The following CPED1 variants were observed in gnomAD, a reference collection of about 807,000 sequenced individuals.
The protein encoded by CPED1 is cadherin like and PC-esterase domain containing 1, also known as cadherin-like and PC-esterase domain-containing protein 1.
In CPED1, 114 loss-of-function variants were observed where a neutral mutation model predicts 128.2. The ratio of observed to expected loss-of-function variants is 0.89; its 90% CI spans 0.76 to 1.04. CPED1 has a LOEUF of 1.04. Ranked by LOEUF, CPED1 falls within the 50% of genes least tolerant of loss-of-function variation. The pLI, the probability that CPED1 is intolerant of heterozygous loss-of-function variation, is 0.00. For missense variants in CPED1, 1,211 were observed against 1,207.1 expected (o/e 1.00, Z -0.05); for synonymous variants, 462 against 426.7 (o/e 1.08, Z -1.02).
At chr7:121,001,271 G>T (rs1373409671) in intron 2 of CPED1, among the ~76,000 whole-genome samples, 1 of 152,078 alleles carries the variant, frequency 6.6e-6, no homozygotes, top group African/African-American at 2.4e-5. Context: ...TGACTGCCAG[G>T]AGTCAGAATG....
At chr7:121,190,599 G>A (rs1043819356) in intron 16 of CPED1, among the ~76,000 whole-genome samples, 2 of 151,758 alleles carry the variant, frequency 1.3e-5, no homozygotes, top group Admixed American at 6.6e-5. Context: ...TTATTTTCAG[G>A]AACTAATTTC....
intron 2 of CPED1, 76 bp from the exon 3 acceptor site, chr7:121,015,589 T>C: frequency 1.5e-6 from 2 of 1,320,652 alleles, no homozygotes; most frequent in Non-Finnish European, 2.1e-6. Context: ...AAATAGCCCT[T>C]GATTTGCATT....
intron 16 of CPED1, among the ~76,000 whole-genome samples, chr7:121,156,821 T>C (rs888745402): frequency 6.6e-6 from 1 of 152,188 alleles, no homozygotes; most frequent in Non-Finnish European, 1.5e-5. Context: ...TAAAATGTGA[T>C]CTCTCATGGC....
chr7:121,057,753 C>T (rs1793538315), intron 4 of CPED1, among the ~76,000 whole-genome samples: 1 of 152,198 alleles, frequency 6.6e-6, no homozygotes, highest in South Asian at 2.1e-4. Context: ...ATTTATTTAG[C>T]TCTACTTTAG....
chr7:121,151,187 C>T (rs1434094073), intron 16 of CPED1, among the ~76,000 whole-genome samples: 1 of 152,034 alleles, frequency 6.6e-6, no homozygotes, highest in Non-Finnish European at 1.5e-5. Flanking sequence ...GCAGTGTGCC[C>T]CTTAGAATAT....
At chr7:121,126,247 A>G (rs1043036955) in intron 9 of CPED1, among the ~76,000 whole-genome samples, 1 of 152,168 alleles carries the variant, frequency 6.6e-6, no homozygotes, top group Non-Finnish European at 1.5e-5. Flanking sequence ...ATAAAAAGAT[A>G]ACTTTTATTT....
chr7:121,062,506 G>A (rs1793699428), intron 4 of CPED1, among the ~76,000 whole-genome samples: 1 of 152,076 alleles, frequency 6.6e-6, no homozygotes, highest in African/African-American at 2.4e-5. Context: ...TTAAATTCTG[G>A]ATTGAAGAAT....
chr7:121,026,871 C>A (rs994803503), intron 3 of CPED1, among the ~76,000 whole-genome samples: 3 of 127,690 alleles, frequency 2.3e-5, no homozygotes, highest in Non-Finnish European at 3.2e-5. Context: ...GGCTTTGTTG[C>A]CCAGGCTGGA....
chr7:121,256,395 C>T (rs1791877268), intron 18 of CPED1, among the ~76,000 whole-genome samples: 1 of 151,984 alleles, frequency 6.6e-6, no homozygotes, highest in South Asian at 2.1e-4. Context: ...AAGAATGAAA[C>T]CGGACCCTTA....
chr7:121,182,295 T>C (rs957706091), intron 16 of CPED1, among the ~76,000 whole-genome samples: 18 of 150,686 alleles, frequency 1.2e-4, no homozygotes, highest in Non-Finnish European at 2.7e-4. Context: ...TAGTAGACCA[T>C]GTTAAGGTAT....
chr7:121,088,652 G>T (rs963990353), intron 5 of CPED1, among the ~76,000 whole-genome samples: 2 of 125,884 alleles, frequency 1.6e-5, no homozygotes, highest in Admixed American at 7.8e-5. Context: ...GTGCGAGACT[G>T]CTTCTCAAAA....
At chr7:121,149,181 A>G (rs1034769052) in intron 16 of CPED1, among the ~76,000 whole-genome samples, 2 of 152,214 alleles carry the variant, frequency 1.3e-5, no homozygotes, top group South Asian at 4.1e-4. Context: ...CCAAGAGCCC[A>G]CAAAGCACCT....
At chr7:121,094,986 C>A (rs1343769518) in intron 5 of CPED1, among the ~76,000 whole-genome samples, 5 of 152,144 alleles carry the variant, frequency 3.3e-5, no homozygotes, top group African/African-American at 4.8e-5. Context: ...AATCTATTTT[C>A]CATTCAGTTT....
chr7:121,086,256 A>G (rs764481851), intron 5 of CPED1, among the ~76,000 whole-genome samples: 4 of 152,170 alleles, frequency 2.6e-5, no homozygotes, highest in Non-Finnish European at 5.9e-5. Context: ...CCACCCACAA[A>G]ATGATATCTA....
chr7:121,105,700 T>G (rs913065241), intron 7 of CPED1, among the ~76,000 whole-genome samples: 1 of 152,156 alleles, frequency 6.6e-6, no homozygotes, highest in African/African-American at 2.4e-5. Context: ...AAAGCTGACT[T>G]ACTTTAAAAA....
At chr7:121,196,893 C>T (rs550509354) in intron 16 of CPED1, among the ~76,000 whole-genome samples, 37 of 151,872 alleles carry the variant, frequency 2.4e-4, no homozygotes, top group African/African-American at 8.4e-4. Context: ...GGCACAAAGT[C>T]AATCTGGAAA....
At chr7:121,259,354 T>A (rs1395958603) in intron 18 of CPED1, among the ~76,000 whole-genome samples, 1 of 152,036 alleles carries the variant, frequency 6.6e-6, no homozygotes, top group Non-Finnish European at 1.5e-5. Context: ...GGGTGGAAAG[T>A]TGGAACAAGT....
chr7:121,233,229 T>G (rs911388555), intron 16 of CPED1, among the ~76,000 whole-genome samples: 2 of 152,100 alleles, frequency 1.3e-5, no homozygotes, highest in African/African-American at 4.8e-5. Flanking sequence ...ACTATGACAA[T>G]CTACTCTGGA....
chr7:121,101,686 G>A (rs1461136044), intron 7 of CPED1, among the ~76,000 whole-genome samples: 1 of 152,094 alleles, frequency 6.6e-6, no homozygotes, highest in East Asian at 1.9e-4. Flanking sequence ...ACCAGCATCT[G>A]CTTGGCTTCT....
Sources: gnomAD v4.1 joint callset for allele counts (sites outside exome capture counted in the v4.1 genomes callset) on GRCh38, gnomAD v4.1.1 for gene constraint, MANE v1.5 for transcripts, NCBI Gene and HGNC (gene_info 2026-07-23, HGNC 2026-07-21) for gene names.